The following GRIP1 variants were observed in gnomAD, a reference collection of about 807,000 sequenced individuals.
GRIP1 encodes glutamate receptor-interacting protein 1.
A neutral mutation model predicts 129.9 loss-of-function variants in GRIP1; 45 were observed. The ratio of observed to expected loss-of-function variants is 0.35; its 90% CI spans 0.27 to 0.44. GRIP1 has a LOEUF of 0.44. Ranked by LOEUF, GRIP1 falls within the 20% of genes least tolerant of loss-of-function variation. The probability of loss-of-function intolerance (pLI) is 1.00; values close to 1 mark genes in which losing one functional copy is unlikely to be tolerated. For synonymous variants in GRIP1, 530 were observed against 520.8 expected (o/e 1.02, Z -0.24); for missense variants, 1,196 against 1,396.8 (o/e 0.86, Z 2.29).
chr12:66,654,563 T>A (rs966833246), intron 1 of GRIP1, among the ~76,000 whole-genome samples: 1 of 152,128 alleles, frequency 6.6e-6, no homozygotes, highest in African/African-American at 2.4e-5. Context: ...TAAATTGACA[T>A]GGGGCCAAAC....
At chr12:66,668,252 G>A (rs2033899791) in intron 1 of GRIP1, among the ~76,000 whole-genome samples, 1 of 152,172 alleles carries the variant, frequency 6.6e-6, no homozygotes, top group Non-Finnish European at 1.5e-5. Flanking sequence ...TACTTTCTGA[G>A]TCTTCATAGC....
At chr12:66,516,150 C>A (rs775032390) in intron 6 of GRIP1, among the ~76,000 whole-genome samples, 12 of 152,064 alleles carry the variant, frequency 7.9e-5, no homozygotes, top group African/African-American at 2.4e-4. Context: ...GAAAAGCCTG[C>A]GAATTTCATT....
At chr12:66,728,503 A>G (rs2036326094) in intron 1 of GRIP1, among the ~76,000 whole-genome samples, 1 of 152,176 alleles carries the variant, frequency 6.6e-6, no homozygotes, top group African/African-American at 2.4e-5. Flanking sequence ...ATAAAGAAGA[A>G]CACGCCCTTT....
intron 15 of GRIP1, among the ~76,000 whole-genome samples, chr12:66,411,404 A>G (rs1022252330): frequency 2.0e-5 from 3 of 152,196 alleles, no homozygotes; most frequent in Non-Finnish European, 4.4e-5. Flanking sequence ...CTGTTAAAAG[A>G]AAAACAAATA....
chr12:66,532,913 T>C lies in GRIP1; in HGVS notation c.419-2999A>G, dbSNP rs566558870. On this transcript the variant is annotated intron_variant, in intron 4 of 24. Coordinates refer to ENST00000359742, the MANE Select transcript of GRIP1 (RefSeq NM_001366722.1). ...GGATAGAAAGGTCATGTGAGTTAGC[T>C]AATGGAGTAACAGTGAAGAGTGCCT... is the stretch of plus-strand genomic sequence containing the variant. Among the ~76,000 whole-genome samples the C allele has an allele frequency of 1.5e-4, 23 of 152,320 alleles. 1 individual carries two copies. Among genetic ancestry groups the C allele is most frequent in the Admixed American group, 1.5e-3 (23 of 15,298 alleles).
chr12:66,577,104 T>C (rs542348692), intron 2 of GRIP1, among the ~76,000 whole-genome samples: 31 of 152,290 alleles, frequency 2.0e-4, no homozygotes, highest in African/African-American at 6.5e-4. Flanking sequence ...ATGGAAAACA[T>C]GTTCTATAAG....
intron 9 of GRIP1, among the ~76,000 whole-genome samples, chr12:66,460,177 C>T (rs1292424321): frequency 1.3e-5 from 2 of 152,186 alleles, no homozygotes; most frequent in Non-Finnish European, 2.9e-5. Flanking sequence ...AAAGTCCCCG[C>T]TTCAACCACC....
At chr12:66,396,111 T>C (rs765162231) in intron 16 of GRIP1, among the ~76,000 whole-genome samples, 103 of 152,350 alleles carry the variant, frequency 6.8e-4, no homozygotes, top group Admixed American at 1.3e-3. Flanking sequence ...TAGTAGTCCC[T>C]GGCACAGTTG....
At chr12:66,717,675 T>C (rs2035935548) in intron 1 of GRIP1, among the ~76,000 whole-genome samples, 1 of 152,218 alleles carries the variant, frequency 6.6e-6, no homozygotes, top group African/African-American at 2.4e-5. Context: ...TCTGTCTGCT[T>C]AGGCCTTAAA....
chr12:66,699,977 G>A (rs1002726641), intron 1 of GRIP1, among the ~76,000 whole-genome samples: 1 of 152,144 alleles, frequency 6.6e-6, no homozygotes, highest in African/African-American at 2.4e-5. Context: ...TCCACCTCCT[G>A]GGAGGGGCAA....
intron 1 of GRIP1, among the ~76,000 whole-genome samples, chr12:67,031,357 A>C (rs1195904281): frequency 6.6e-6 from 1 of 152,090 alleles, no homozygotes; most frequent in Non-Finnish European, 1.5e-5. Context: ...CCACATCCTC[A>C]CACTTTCACT....
intron 7 of GRIP1, among the ~76,000 whole-genome samples, chr12:66,506,014 A>G (rs2060516825): frequency 6.6e-6 from 1 of 152,212 alleles, no homozygotes; most frequent in East Asian, 1.9e-4. Context: ...TATTCTTTTC[A>G]GAATGGTTAA....
At chr12:66,679,257 A>G, upstream of GRIP1, 1 of 628,378 alleles carries the variant, frequency 1.6e-6, no homozygotes, top group Non-Finnish European at 2.3e-6. Flanking sequence ...AGCACTGAAC[A>G]GTGCATTCTG....
chr12:66,505,416 G>T (rs1054563921), intron 7 of GRIP1, among the ~76,000 whole-genome samples: 1 of 152,094 alleles, frequency 6.6e-6, no homozygotes. Context: ...AGCTTGGAAG[G>T]GATTATTTCC....
At chr12:66,799,745 G>T (rs1051679352) in intron 1 of GRIP1, among the ~76,000 whole-genome samples, 2 of 152,120 alleles carry the variant, frequency 1.3e-5, no homozygotes, top group Non-Finnish European at 2.9e-5. Context: ...GTCCTAATTA[G>T]ACGTCAGTTT....
At chr12:66,700,133 C>T (rs1047722520) in intron 1 of GRIP1, among the ~76,000 whole-genome samples, 1 of 152,016 alleles carries the variant, frequency 6.6e-6, no homozygotes, top group East Asian at 1.9e-4. Context: ...AGAAGGAACT[C>T]CTGGGGGAGT....
chr12:66,578,969 TGACCCC>T (rs2063255164), intron 2 of GRIP1, among the ~76,000 whole-genome samples: 5 of 152,176 alleles, frequency 3.3e-5, no homozygotes, highest in African/African-American at 1.2e-4. Context: ...AGTGGGTCCC[TGACCCC>T]TGACCCCTGA....
chr12:66,566,730 T>C (rs1021124840), intron 2 of GRIP1, among the ~76,000 whole-genome samples: 2 of 152,332 alleles, frequency 1.3e-5, no homozygotes, highest in Middle Eastern at 3.4e-3. Flanking sequence ...CTGGTAAAAT[T>C]CGGCTGTGAA....
chr12:66,588,731 G>A (rs750408576), intron 2 of GRIP1, among the ~76,000 whole-genome samples: 1 of 152,074 alleles, frequency 6.6e-6, no homozygotes, highest in Non-Finnish European at 1.5e-5. Flanking sequence ...AGCACTTTGG[G>A]AGGCCGAGGC....
Sources: gnomAD v4.1 joint callset for allele counts (sites outside exome capture counted in the v4.1 genomes callset) on GRCh38, gnomAD v4.1.1 for gene constraint, MANE v1.5 for transcripts, NCBI Gene and HGNC (gene_info 2026-07-23, HGNC 2026-07-21) for gene names.